The following ANKFN1 variants were observed in gnomAD, a reference collection of about 807,000 sequenced individuals.
ANKFN1 encodes ankyrin repeat and fibronectin type III domain containing 1.
A neutral mutation model predicts 108.7 loss-of-function variants in ANKFN1; 74 were observed. The ratio of observed to expected loss-of-function variants is 0.68; its 90% CI spans 0.56 to 0.83. The LOEUF (loss-of-function observed/expected upper bound fraction) is 0.83, where lower values mean the gene tolerates loss of function less well. Among genes scored for constraint, ANKFN1 ranks in the 40% least tolerant of loss-of-function variants. ANKFN1 has a pLI of 0.00. For missense variants in ANKFN1, 1,505 were observed against 1,382.3 expected, an observed-to-expected ratio of 1.09 and a Z score of -1.41; for synonymous variants, 547 against 516.2, an observed-to-expected ratio of 1.06 and a Z score of -0.81.
At chr17:56,198,648 GT>G (rs950004565) in intron 1 of ANKFN1, among the ~76,000 whole-genome samples, 1 of 152,108 alleles carries the variant, frequency 6.6e-6, no homozygotes, top group Non-Finnish European at 1.5e-5. Flanking sequence ...GAAAATTAGT[GT>G]TTTCTATGAG....
intron 8 of ANKFN1, among the ~76,000 whole-genome samples, chr17:56,430,020 G>A (rs1598595648): frequency 6.6e-6 from 1 of 152,314 alleles, no homozygotes; most frequent in Middle Eastern, 3.4e-3. Context: ...GATGGACCAT[G>A]AGTCTTTCAC....
intron 4 of ANKFN1, among the ~76,000 whole-genome samples, chr17:56,103,511 G>T (rs945045619): frequency 6.6e-6 from 1 of 152,196 alleles, no homozygotes; most frequent in Non-Finnish European, 1.5e-5. Flanking sequence ...TAGCCCAGGG[G>T]CTTGCAGAGG....
Position 56,467,777 on chromosome 17 carries a change from AAGAAAGAAAGAAAG to A in ANKFN1, c.1773+1208_1773+1221del, listed in dbSNP as rs2050140060. On this transcript the variant is annotated intron_variant, in intron 15 of 20. Coordinates refer to ENST00000682825, the MANE Select transcript of ANKFN1 (RefSeq NM_001370326.1). The stretch of plus-strand genomic sequence containing the variant: ...AAAGAAAGAAAGAAAGAAAGAAAGA[AAGAAAGAAAGAAAG>A]AAGAAAGAAAGAAAGAAAGAAAGAA... Among the ~76,000 whole-genome samples, 8 of 18,466 alleles carry A rather than the reference AAGAAAGAAAGAAAG, an allele frequency of 4.3e-4. No homozygotes were observed. In the East Asian group the frequency reaches 0.029, roughly 67 times the overall value. The allele number at this position is 18,466 out of a possible 152,430, so 12.1% of individuals were successfully genotyped here. A position where few individuals can be genotyped will look rare whatever the true frequency, so the allele number is the denominator to read the frequency against.
intron 3 of ANKFN1, among the ~76,000 whole-genome samples, chr17:56,236,898 C>T (rs1330679216): frequency 6.6e-6 from 1 of 152,128 alleles, no homozygotes; most frequent in East Asian, 1.9e-4. Context: ...GTATGATGTT[C>T]TCTGTGGGTT....
chr17:56,253,070 A>G (rs2043274797), intron 3 of ANKFN1, among the ~76,000 whole-genome samples: 1 of 152,204 alleles, frequency 6.6e-6, no homozygotes, highest in Non-Finnish European at 1.5e-5. Flanking sequence ...TTCAAATAAT[A>G]ATAATAATTG....
intron 8 of ANKFN1, among the ~76,000 whole-genome samples, chr17:56,411,688 T>A (rs980935487): frequency 2.0e-5 from 3 of 152,210 alleles, no homozygotes; most frequent in Non-Finnish European, 4.4e-5. Flanking sequence ...TGGAGACTTT[T>A]TATCATGAAA....
rs770895255 is a variant in ANKFN1, at chr17:56,306,436, GACAA to G, written c.54-19781_54-19778del. ...CAAGCATTCTTATACACCAATAACA[GACAA>G]ACAGAGAGCCAAATCATGAGTGAAC... is the stretch of plus-strand genomic sequence containing the variant. On this transcript the variant is annotated intron_variant, in intron 3 of 20. Coordinates refer to ENST00000682825, the MANE Select transcript of ANKFN1 (RefSeq NM_001370326.1). Among the ~76,000 whole-genome samples, 8 of 152,230 alleles carry G rather than the reference GACAA, an allele frequency of 5.3e-5. No homozygotes were observed. The East Asian group carries it at 7.7e-4, about 15-fold the overall frequency.
chr17:56,073,079 G>A (rs971274591), intron 4 of ANKFN1, among the ~76,000 whole-genome samples: 6 of 150,688 alleles, frequency 4.0e-5, no homozygotes, highest in Admixed American at 2.6e-4. Context: ...TGCAAGCTCC[G>A]CCTCCCGGGT....
intron 4 of ANKFN1, among the ~76,000 whole-genome samples, chr17:56,131,809 G>C (rs1049323323): frequency 1.3e-5 from 2 of 152,150 alleles, no homozygotes; most frequent in African/African-American, 4.8e-5. Flanking sequence ...GATTTCTTGA[G>C]CCCAGGAGTT....
chr17:56,248,627 C>A (rs2043168630), intron 3 of ANKFN1, among the ~76,000 whole-genome samples: 5 of 152,148 alleles, frequency 3.3e-5, no homozygotes, highest in Admixed American at 3.3e-4. Flanking sequence ...AGTAGAGGAT[C>A]TGGAATTTAA....
At chr17:56,400,778 G>A (rs1302207335) in intron 8 of ANKFN1, among the ~76,000 whole-genome samples, 1 of 151,988 alleles carries the variant, frequency 6.6e-6, no homozygotes, top group African/African-American at 2.4e-5. Flanking sequence ...GGTGAGAGAT[G>A]AGGATCCAGT....
chr17:56,195,895 A>T (rs998372661), intron 1 of ANKFN1, among the ~76,000 whole-genome samples: 2 of 152,098 alleles, frequency 1.3e-5, no homozygotes, highest in Non-Finnish European at 2.9e-5. Flanking sequence ...TATATATGCC[A>T]CATTACAGCA....
At chr17:56,308,789 T>C (rs1351534405) in intron 3 of ANKFN1, among the ~76,000 whole-genome samples, 9 of 152,240 alleles carry the variant, frequency 5.9e-5, no homozygotes, top group Admixed American at 3.9e-4. Context: ...GAATGCTGAA[T>C]TTTGTTTAAT....
chr17:56,302,977 A>G (rs1200943292), intron 3 of ANKFN1, among the ~76,000 whole-genome samples: 1 of 152,228 alleles, frequency 6.6e-6, no homozygotes, highest in Non-Finnish European at 1.5e-5. Context: ...AATGAAATGT[A>G]TGCTGCCTGT....
intron 4 of ANKFN1, among the ~76,000 whole-genome samples, chr17:56,119,767 A>G (rs371644445): frequency 1.3e-5 from 2 of 152,340 alleles, no homozygotes; most frequent in East Asian, 3.9e-4. Flanking sequence ...GCAGAAGAAC[A>G]TGAACTACGT....
At chr17:56,236,789 T>C (rs1028434710) in intron 3 of ANKFN1, among the ~76,000 whole-genome samples, 2 of 152,162 alleles carry the variant, frequency 1.3e-5, no homozygotes, top group Non-Finnish European at 2.9e-5. Context: ...CTGCAATTAC[T>C]TTTGCACCAA....
intron 4 of ANKFN1, among the ~76,000 whole-genome samples, chr17:56,144,620 G>GT (rs990921204): frequency 2.0e-5 from 3 of 152,226 alleles, no homozygotes; most frequent in African/African-American, 4.8e-5. Flanking sequence ...AAAAAGATGG[G>GT]TTTTTTTCCT....
chr17:56,167,993 G>A lies in ANKFN1; in HGVS notation c.-71+14463G>A, dbSNP rs57371308. Among the ~76,000 whole-genome samples, 275 of 152,276 alleles carry A rather than the reference G, an allele frequency of 1.8e-3. 8 individuals are homozygous for A. The East Asian group carries it at 0.048, about 27-fold the overall frequency. On this transcript the variant is annotated intron_variant, in intron 1 of 20. Transcript: ENST00000682825. ...AGAAATGTCTGATGAATAGGCAGGC[G>A]TGGTGGCTCACACCTGTAATGCCAG...
At chr17:56,182,153 C>T (rs1041643404) in intron 1 of ANKFN1, among the ~76,000 whole-genome samples, 1 of 152,080 alleles carries the variant, frequency 6.6e-6, no homozygotes, top group African/African-American at 2.4e-5. Context: ...GAGAATAGGC[C>T]AATTAATAAC....
Sources: allele counts gnomAD v4.1 joint callset (sites outside exome capture counted in the v4.1 genomes callset), GRCh38; gene constraint gnomAD v4.1.1; transcripts MANE v1.5; gene names NCBI Gene and HGNC (gene_info 2026-07-23, HGNC 2026-07-21).